The following TRAF5 variants were observed in gnomAD, a reference collection of about 807,000 sequenced individuals.
TRAF5 encodes TNF receptor-associated factor 5.
A neutral mutation model predicts 64.5 loss-of-function variants in TRAF5; 48 were observed. The ratio of observed to expected loss-of-function variants is 0.74; its 90% CI spans 0.59 to 0.95. The LOEUF is 0.95. Among genes scored for constraint, TRAF5 ranks in the 40% least tolerant of loss-of-function variants. The probability of loss-of-function intolerance (pLI) is 0.00; values close to 1 mark genes in which losing one functional copy is unlikely to be tolerated. For missense variants in TRAF5, 545 were observed against 662.8 expected (o/e 0.82, Z 1.95); for synonymous variants, 206 against 240.5 (o/e 0.86, Z 1.33).
intron 2 of TRAF5, 39 bp downstream of exon 2, chr1:211,353,496 C>T: frequency 6.3e-7 from 1 of 1,580,056 alleles, no homozygotes; most frequent in Non-Finnish European, 8.6e-7. Context: ...CATGGCAGTC[C>T]TAGCATCCAG....
In TRAF5 at chr1:211,362,875, A is replaced by AG. The variant is rs79754919; in HGVS notation, c.696+1721dup. Among the ~76,000 whole-genome samples, 1,122 of 151,752 alleles carry AG rather than the reference A, an allele frequency of 7.4e-3. 11 individuals carry two copies. Among genetic ancestry groups the AG allele is most frequent in the African/African-American group, 0.025 (1,046 of 41,348 alleles). On this transcript the variant is annotated intron_variant, in intron 7 of 10. Coordinates refer to ENST00000261464, the MANE Select transcript of TRAF5 (RefSeq NM_001033910.3). Reference sequence around the variant, plus strand: ...TGCAACATATGATCAGACAAAAAAAAGGGGGGGGCTATTTTCCTTAATATA... The same window carrying AG: ...TGCAACATATGATCAGACAAAAAAAAGGGGGGGGGCTATTTTCCTTAATATA...
intron 6 of TRAF5, 129 bp downstream of exon 6, chr1:211,360,908 T>C: frequency 1.0e-6 from 1 of 998,440 alleles, no homozygotes; most frequent in South Asian, 1.5e-5. Context: ...CCATGACGTA[T>C]CTGTCTTCCC....
At chr1:211,353,957 G>C (rs369367920) in intron 2 of TRAF5, among the ~76,000 whole-genome samples, 2 of 152,344 alleles carry the variant, frequency 1.3e-5, no homozygotes, top group Middle Eastern at 3.4e-3. Flanking sequence ...AAGCAAGGCA[G>C]TCATTTTACC....
chr1:211,349,611 C>A lies in TRAF5; in HGVS notation c.-1-3628C>A, dbSNP rs550272816. Among the ~76,000 whole-genome samples, 67 of 152,210 alleles carry A rather than the reference C, an allele frequency of 4.4e-4. 1 individual carries two copies. Among genetic ancestry groups the A allele is most frequent in the Middle Eastern group, 3.4e-3 (1 of 294 alleles). ...TTCAATATACGAATTTTGGGGGGGACACATACATTCAAATCATAGGGGGTC... is the reference window on the plus strand; with the variant it reads ...TTCAATATACGAATTTTGGGGGGGAAACATACATTCAAATCATAGGGGGTC... On this transcript the variant is annotated intron_variant, in intron 1 of 10. Coordinates refer to ENST00000261464, the MANE Select transcript of TRAF5 (RefSeq NM_001033910.3).
chr1:211,352,413 G>A (rs1449298959), intron 1 of TRAF5, among the ~76,000 whole-genome samples: 1 of 148,382 alleles, frequency 6.7e-6, no homozygotes, highest in African/African-American at 2.5e-5. Context: ...ACTTGGGTGG[G>A]GACACAGCCA....
chr1:211,356,638 C>A, intron 4 of TRAF5, 170 bp downstream of exon 4: 1 of 583,158 alleles, frequency 1.7e-6, no homozygotes, highest in Non-Finnish European at 3.1e-6. Context: ...AGCCCACCTA[C>A]GGCTGAGGTG....
chr1:211,363,001 TA>T (rs1238385682), intron 7 of TRAF5, among the ~76,000 whole-genome samples: 2 of 152,176 alleles, frequency 1.3e-5, no homozygotes, highest in African/African-American at 4.8e-5. Flanking sequence ...ATTTGGCTGA[TA>T]AATGTAAGAA....
In TRAF5 at chr1:211,365,394, C is replaced by T. The variant is rs763905853; in HGVS notation, c.715C>T (p.Gln239Ter). 2 of 1,613,640 alleles carry T rather than the reference C, an allele frequency of 1.2e-6. No individual in the cohort carries two copies. The highest frequency in any genetic ancestry group is 2.2e-5 in the South Asian group (2 of 90,974). ...CAVTDKRRNL[Q>*]QHEHSALREH... ...ATTGAAGGATAAACGGAGGAACCTG[C>T]AGCAACATGAGCATTCAGCCTTACG... Residue 239 changes from glutamine (Q) to a stop codon, truncating the protein, a stop_gained, in exon 8 of 11, where the codon CAG becomes TAG. Coordinates refer to ENST00000261464, the MANE Select transcript of TRAF5 (RefSeq NM_001033910.3). LOFTEE classifies it high-confidence loss of function.
chr1:211,358,974 A>G (rs1411138387), intron 4 of TRAF5: 9 of 151,778 alleles, frequency 5.9e-5, no homozygotes, highest in African/African-American at 2.2e-4. Flanking sequence ...TAAATAACTT[A>G]TTATTTGTGT....
At position 211,372,798 on chromosome 1, in the gene TRAF5, A is replaced by G. The variant is rs1703583670; in HGVS notation, c.*96A>G. On this transcript the variant is annotated 3_prime_UTR_variant, in exon 11 of 11. Transcript: ENST00000261464. ...ATTGACCTGGATTTAGACTCAAAGC[A>G]CATTTGTATTTGCCTTTTTCCTTAA... 2 of 1,157,306 alleles carry G rather than the reference A, an allele frequency of 1.7e-6. No homozygotes were observed. Among genetic ancestry groups the G allele is most frequent in the African/African-American group, 3.1e-5 (2 of 64,748 alleles). The allele number at this position is 1,157,306 out of a possible 1,614,324, so 71.7% of individuals were successfully genotyped here.
chr1:211,332,375 G>A (rs1179873740), intron 1 of TRAF5, among the ~76,000 whole-genome samples: 2 of 152,236 alleles, frequency 1.3e-5, no homozygotes, highest in Non-Finnish European at 2.9e-5. Context: ...ACCACCCAGA[G>A]CCCTTTCTGT....
At chr1:211,343,488 C>G (rs7512509) in intron 1 of TRAF5, among the ~76,000 whole-genome samples, 1 of 152,178 alleles carries the variant, frequency 6.6e-6, no homozygotes, top group African/African-American at 2.4e-5. Context: ...GTTGTGCCAT[C>G]ATAGCTCACT....
intron 3 of TRAF5, 145 bp downstream of exon 3, chr1:211,354,612 C>A: frequency 2.5e-6 from 2 of 789,212 alleles, no homozygotes; most frequent in Non-Finnish European, 2.0e-6. Context: ...TCACATCAGA[C>A]CCTACTCGTA....
At chr1:211,339,040 G>C (rs1213812697) in intron 1 of TRAF5, among the ~76,000 whole-genome samples, 2 of 152,170 alleles carry the variant, frequency 1.3e-5, no homozygotes, top group Non-Finnish European at 2.9e-5. Context: ...CTGCAATGGG[G>C]TACATTTTCT....
At chr1:211,350,643 T>C (rs1394571015) in intron 1 of TRAF5, among the ~76,000 whole-genome samples, 1 of 152,246 alleles carries the variant, frequency 6.6e-6, no homozygotes, top group Non-Finnish European at 1.5e-5. Flanking sequence ...AAGCAATTAA[T>C]GAACTCATAT....
chr1:211,331,175 C>G (rs1447093745), intron 1 of TRAF5, among the ~76,000 whole-genome samples: 1 of 152,176 alleles, frequency 6.6e-6, no homozygotes, highest in East Asian at 1.9e-4. Context: ...CCTGGGCAAC[C>G]TTAATTAAGC....
rs559398621 is a variant in TRAF5 at position 211,366,745 on chromosome 1, T to C, written c.789+1277T>C. On this transcript the variant is annotated intron_variant, in intron 8 of 10. Coordinates refer to ENST00000261464, the MANE Select transcript of TRAF5 (RefSeq NM_001033910.3). The stretch of plus-strand genomic sequence containing the variant: ...GTTTTAGGATGAATGGACTTCTGAG[T>C]GTGAGATAGAGAAAGGCTAGAGACT... 1.1e-3 allele frequency among the ~76,000 whole-genome samples: 173 copies of C among 152,246 alleles called. 1 individual carries two copies. The highest frequency in any genetic ancestry group is 1.8e-3 in the Non-Finnish European group (121 of 68,006).
At chr1:211,365,634 G>A (rs1703329042) in intron 8 of TRAF5, 166 bp downstream of exon 8, 1 of 525,136 alleles carries the variant, frequency 1.9e-6, no homozygotes, top group Non-Finnish European at 3.3e-6. Flanking sequence ...TAGAACATTA[G>A]AATTGGAAGG....
chr1:211,361,365 C>T (rs1260198419), intron 7 of TRAF5, among the ~76,000 whole-genome samples: 1 of 152,180 alleles, frequency 6.6e-6, no homozygotes, highest in East Asian at 1.9e-4. Flanking sequence ...GAAGTTGGCT[C>T]TTGCAGTTGT....
Sources: gnomAD v4.1 joint callset for allele counts (sites outside exome capture counted in the v4.1 genomes callset) on GRCh38, gnomAD v4.1.1 for gene constraint, MANE v1.5 for transcripts, NCBI Gene and HGNC (gene_info 2026-07-23, HGNC 2026-07-21) for gene names.